Variants in COL24A1 observed in about 807,000 individuals in gnomAD.
COL24A1 encodes the protein collagen alpha-1(XXIV) chain.
In COL24A1, 224 loss-of-function variants were observed where a neutral mutation model predicts 253.9. The observed-to-expected ratio is 0.88, with a 90% CI of 0.79 to 0.99. COL24A1 has a LOEUF of 0.99. COL24A1 is among the 50% of genes least tolerant of loss of function. COL24A1 has a pLI of 0.00. For synonymous variants in COL24A1, 685 were observed against 673.7 expected (o/e 1.02, Z -0.26); for missense variants, 2,131 against 2,068.5 (o/e 1.03, Z -0.59).
At chr1:85,825,496 C>T (rs980260828) in intron 43 of COL24A1, among the ~76,000 whole-genome samples, 18 of 152,138 alleles carry the variant, frequency 1.2e-4, no homozygotes, top group Admixed American at 7.9e-4. Context: ...GAGGAATCAC[C>T]ACACTGACTC....
intron 47 of COL24A1, among the ~76,000 whole-genome samples, chr1:85,796,113 T>G (rs548256367): frequency 6.6e-6 from 1 of 152,068 alleles, no homozygotes; most frequent in Non-Finnish European, 1.5e-5. Context: ...TATACTAAAG[T>G]TAGGAGGTAA....
intron 45 of COL24A1, among the ~76,000 whole-genome samples, chr1:85,822,441 CA>C (rs139541968): frequency 6.6e-6 from 1 of 152,244 alleles, no homozygotes; most frequent in African/African-American, 2.4e-5. Context: ...GCCTGAAAAA[CA>C]GGGCAGCAAT....
At chr1:85,875,391 T>C in intron 33 of COL24A1, 61 bp from the exon 34 acceptor site, 2 of 1,365,166 alleles carry the variant, frequency 1.5e-6, no homozygotes, top group Non-Finnish European at 2.1e-6. Context: ...AAGATGGTGG[T>C]AACACTGAAC....
Position 85,990,364 on chromosome 1 carries a change from C to T in COL24A1, c.2311-2710G>A, listed in dbSNP as rs532069171. Among the ~76,000 whole-genome samples, 6 of 152,270 alleles carry T rather than the reference C, an allele frequency of 3.9e-5. No individual in the cohort carries two copies. In the East Asian group the frequency reaches 9.7e-4, roughly 25 times the overall value. ...AAGATTGCGGCATGGAGGATAGTTT[C>T]GGGATGAAACTGTTCTGCTTCAGAT... On this transcript the variant is annotated intron_variant, in intron 19 of 59. Coordinates refer to ENST00000370571, the MANE Select transcript of COL24A1 (RefSeq NM_152890.7).
intron 59 of COL24A1, among the ~76,000 whole-genome samples, chr1:85,731,788 T>C (rs969497761): frequency 1.3e-5 from 2 of 152,214 alleles, no homozygotes; most frequent in African/African-American, 4.8e-5. Flanking sequence ...AGATAGTTAG[T>C]AAATTCCACA....
At chr1:85,837,420 C>A (rs1413610234) in intron 43 of COL24A1, among the ~76,000 whole-genome samples, 1 of 152,076 alleles carries the variant, frequency 6.6e-6, no homozygotes, top group Admixed American at 6.5e-5. Flanking sequence ...TCATCTTGTC[C>A]ATTTAGTTTG....
chr1:85,776,605 A>G (rs1270784524), intron 52 of COL24A1, among the ~76,000 whole-genome samples: 1 of 151,946 alleles, frequency 6.6e-6, no homozygotes, highest in Non-Finnish European at 1.5e-5. Context: ...TAAAATATTT[A>G]ATAATCTTAC....
intron 3 of COL24A1, among the ~76,000 whole-genome samples, chr1:86,116,128 T>C (rs889401206): frequency 2.6e-5 from 4 of 151,932 alleles, no homozygotes; most frequent in African/African-American, 4.8e-5. Flanking sequence ...TCATTTGTGA[T>C]ATGGTTGAAC....
chr1:85,950,938 C>G (rs1041945496), intron 24 of COL24A1, among the ~76,000 whole-genome samples: 1 of 152,190 alleles, frequency 6.6e-6, no homozygotes, highest in Non-Finnish European at 1.5e-5. Context: ...CTCCAGCTAT[C>G]ATGAACTGCT....
At chr1:85,732,321 C>G (rs975458975) in intron 59 of COL24A1, among the ~76,000 whole-genome samples, 1 of 151,970 alleles carries the variant, frequency 6.6e-6, no homozygotes, top group African/African-American at 2.4e-5. Context: ...GCTCCGCCTC[C>G]CAGGTTCACG....
At chr1:85,921,162 G>T (rs1220266231) in intron 24 of COL24A1, among the ~76,000 whole-genome samples, 1 of 152,166 alleles carries the variant, frequency 6.6e-6, no homozygotes, top group Non-Finnish European at 1.5e-5. Flanking sequence ...AAGGGGTTGG[G>T]GGACTTCCCT....
intron 35 of COL24A1, 121 bp downstream of exon 35, chr1:85,874,528 C>T: frequency 1.2e-6 from 1 of 853,078 alleles, no homozygotes; most frequent in Non-Finnish European, 1.8e-6. Context: ...TGAAACCAAA[C>T]ATTTTCTATA....
rs1175928305 is a variant in COL24A1 at position 85,784,255 on chromosome 1, A to G, written c.4167+4T>C. On this transcript the variant is annotated splice_donor_region_variant and intron_variant, in intron 49 of 59. Transcript: ENST00000370571. ...GCTTGGTGAATTTCTGAGGTGGTAC[A>G]TACAGGCTGCCCTTTCAGGCCAGGG... is the stretch of plus-strand genomic sequence containing the variant. The G allele has an allele frequency of 2.5e-6, 4 of 1,613,836 alleles. No homozygotes were observed. The highest frequency in any genetic ancestry group is 3.4e-6 in the Non-Finnish European group (4 of 1,179,766).
intron 46 of COL24A1, among the ~76,000 whole-genome samples, chr1:85,817,714 T>C (rs951658007): frequency 6.6e-6 from 1 of 152,214 alleles, no homozygotes; most frequent in African/African-American, 2.4e-5. Flanking sequence ...CTCTGGCCTT[T>C]GTCACCATTC....
chr1:85,769,671 C>T (rs1667751483), intron 53 of COL24A1, among the ~76,000 whole-genome samples: 2 of 152,114 alleles, frequency 1.3e-5, no homozygotes, highest in Admixed American at 6.6e-5. Context: ...AATCAGGCTG[C>T]AGAATCTGGT....
chr1:86,153,371 C>T (rs1023454613), intron 1 of COL24A1, among the ~76,000 whole-genome samples: 1 of 152,194 alleles, frequency 6.6e-6, no homozygotes, highest in Non-Finnish European at 1.5e-5. Context: ...CCTAGAACCA[C>T]ACTGGGCCCA....
At chr1:85,919,522 GA>G (rs1210736001) in intron 24 of COL24A1, among the ~76,000 whole-genome samples, 1 of 151,990 alleles carries the variant, frequency 6.6e-6, no homozygotes, top group Non-Finnish European at 1.5e-5. Flanking sequence ...CTACAAAAAA[GA>G]AAAATTAAAA....
In COL24A1 at chr1:86,125,418, T is replaced by C; in HGVS notation, c.918A>G (p.Glu306=). Reference sequence around the variant, plus strand: ...ATAACTGAGATCTTGATATCTGGTGTTCTTGTCTTTTATACACGGTTTCAG... The same window carrying C: ...ATAACTGAGATCTTGATATCTGGTGCTCTTGTCTTTTATACACGGTTTCAG... ...NDSETVYKRQ[E]HQISRSQLSS... The change falls in exon 3 of 60, where the codon GAA becomes GAG. Residue 306 remains glutamate, a synonymous_variant. Transcript: ENST00000370571. 1 of 1,613,640 alleles carries C rather than the reference T, an allele frequency of 6.2e-7. No individual in the cohort carries two copies. Among genetic ancestry groups the C allele is most frequent in the Non-Finnish European group, 8.5e-7 (1 of 1,179,790 alleles).
At chr1:85,738,490 C>T (rs1664287164) in intron 57 of COL24A1, among the ~76,000 whole-genome samples, 1 of 152,148 alleles carries the variant, frequency 6.6e-6, no homozygotes, top group Admixed American at 6.5e-5. Flanking sequence ...GGCCTAAACT[C>T]AGACTACAGA....
Sources: allele counts gnomAD v4.1 joint callset (sites outside exome capture counted in the v4.1 genomes callset), GRCh38; gene constraint gnomAD v4.1.1; transcripts MANE v1.5; gene names NCBI Gene and HGNC (gene_info 2026-07-23, HGNC 2026-07-21).